The following CATSPERB variants were observed in gnomAD, a reference collection of about 807,000 sequenced individuals.
The protein encoded by CATSPERB is cation channel sperm-associated auxiliary subunit beta.
A neutral mutation model predicts 128.3 loss-of-function variants in CATSPERB; 93 were observed. That is an observed-to-expected ratio of 0.72 (90% CI 0.61 to 0.86). CATSPERB has a LOEUF of 0.86. Ranked by LOEUF, CATSPERB falls within the 40% of genes least tolerant of loss-of-function variation. CATSPERB has a pLI of 0.00. For missense variants in CATSPERB, 1,153 were observed against 1,329.5 expected (o/e 0.87, Z 2.06); for synonymous variants, 381 against 448.8 (o/e 0.85, Z 1.91).
intron 7 of CATSPERB, among the ~76,000 whole-genome samples, chr14:91,702,706 AAAC>A (rs1253581880): frequency 6.7e-6 from 1 of 149,950 alleles, no homozygotes; most frequent in African/African-American, 2.4e-5. Context: ...ACACACACAC[AAAC>A]CAAAAACATT....
chr14:91,647,394 GT>G (rs1306594798), intron 15 of CATSPERB, among the ~76,000 whole-genome samples: 2 of 152,294 alleles, frequency 1.3e-5, no homozygotes, highest in African/African-American at 4.8e-5. Context: ...CAAAGTCTAA[GT>G]TTGCAGGAAT....
At chr14:91,655,412 G>A (rs1894770347) in intron 15 of CATSPERB, among the ~76,000 whole-genome samples, 1 of 152,168 alleles carries the variant, frequency 6.6e-6, no homozygotes, top group Non-Finnish European at 1.5e-5. Context: ...AATAGCTGTT[G>A]TGAGAAAACT....
intron 22 of CATSPERB, chr14:91,605,418 T>C (rs965391948): frequency 1.2e-5 from 6 of 516,462 alleles, no homozygotes; most frequent in African/African-American, 7.6e-5. Flanking sequence ...TAGAGAAATA[T>C]GACCTCCAGA....
chr14:91,716,770 G>A (rs1219598033), intron 5 of CATSPERB, among the ~76,000 whole-genome samples: 2 of 148,908 alleles, frequency 1.3e-5, no homozygotes, highest in Non-Finnish European at 1.5e-5. Context: ...CATACACTAA[G>A]TTCTGGCCTG....
chr14:91,648,083 C>A (rs1894636363), intron 15 of CATSPERB, among the ~76,000 whole-genome samples: 1 of 152,158 alleles, frequency 6.6e-6, no homozygotes, highest in African/African-American at 2.4e-5. Context: ...CAATCCTTCA[C>A]AAACTCCCAC....
At chr14:91,700,421 T>C (rs75754473) in intron 7 of CATSPERB, among the ~76,000 whole-genome samples, 1 of 152,192 alleles carries the variant, frequency 6.6e-6, no homozygotes, top group Admixed American at 6.5e-5. Context: ...GCTGGCTTCA[T>C]AGAATGAGTT....
intron 15 of CATSPERB, 151 bp from the exon 16 acceptor site, chr14:91,639,401 T>C (rs1313003251): frequency 3.1e-6 from 2 of 647,804 alleles, no homozygotes; most frequent in Admixed American, 3.0e-5. Flanking sequence ...TGTTAGTTTT[T>C]GTTAAGTCCC....
At chr14:91,587,477 C>CTTTTTTTTTTTTTTTTTTTTTTTT (rs3029803) in intron 25 of CATSPERB, among the ~76,000 whole-genome samples, 4 of 101,540 alleles carry the variant, frequency 3.9e-5, no homozygotes, top group Non-Finnish European at 4.0e-5. Flanking sequence ...ATAGCTGATA[C>CTTTTTTTTTTTTTTTTTTTTTTTT]TTTTTTTTTT....
intron 22 of CATSPERB, among the ~76,000 whole-genome samples, chr14:91,606,383 CAAAACCCCGTCTCTACTA>C: frequency 6.6e-6 from 1 of 150,882 alleles, no homozygotes; most frequent in East Asian, 2.0e-4. Flanking sequence ...GTCAACATGG[CAAAACCCCGTCTCTACTA>C]AAAATGCAAA....
At chr14:91,625,095 A>T (rs1894134464) in intron 17 of CATSPERB, 88 bp from the exon 18 acceptor site, 1 of 736,942 alleles carries the variant, frequency 1.4e-6, no homozygotes, top group African/African-American at 1.8e-5. Context: ...CAAAGAAAGT[A>T]TACCACAAAT....
At chr14:91,631,005 T>C (rs1040124164) in intron 17 of CATSPERB, among the ~76,000 whole-genome samples, 1 of 152,248 alleles carries the variant, frequency 6.6e-6, no homozygotes, top group Non-Finnish European at 1.5e-5. Flanking sequence ...GCAACTTCTT[T>C]AGCCTGGAAA....
chr14:91,722,980 A>G, intron 4 of CATSPERB, 69 bp downstream of exon 4: 1 of 1,227,994 alleles, frequency 8.1e-7, no homozygotes, highest in Non-Finnish European at 1.1e-6. Context: ...TTTTTAAAAA[A>G]TACATCCTAT....
At chr14:91,727,895 C>T (rs904053977) in intron 2 of CATSPERB, among the ~76,000 whole-genome samples, 4 of 152,222 alleles carry the variant, frequency 2.6e-5, no homozygotes, top group Middle Eastern at 3.4e-3. Flanking sequence ...CAAGCTCAAA[C>T]GTCATATAAC....
chr14:91,728,095 A>C (rs575575748), intron 2 of CATSPERB, among the ~76,000 whole-genome samples: 3 of 152,232 alleles, frequency 2.0e-5, no homozygotes, highest in Non-Finnish European at 4.4e-5. Context: ...ATACATTTTA[A>C]GATCCAGTTC....
At chr14:91,721,423 T>C (rs1357250621) in intron 4 of CATSPERB, among the ~76,000 whole-genome samples, 1 of 152,174 alleles carries the variant, frequency 6.6e-6, no homozygotes, top group Non-Finnish European at 1.5e-5. Context: ...TGAATAGATA[T>C]TTCTCCAAAG....
intron 13 of CATSPERB, 86 bp from the exon 14 acceptor site, chr14:91,670,058 G>T: frequency 8.6e-7 from 1 of 1,167,006 alleles, no homozygotes; most frequent in Non-Finnish European, 1.3e-6. Flanking sequence ...TTGATTAAGA[G>T]AGAGATACAA....
Position 91,591,998 on chromosome 14 carries a change from G to C in CATSPERB, c.2714C>G (p.Thr905Ser). The change falls in exon 23 of 27, where the codon ACC (threonine) becomes AGC (serine). Residue 905 changes from threonine (T) to serine (S), a missense_variant. Coordinates refer to ENST00000256343, the MANE Select transcript of CATSPERB (RefSeq NM_024764.4). ...PRNMFHMSKKTGKFKQCANVS... is the reference protein window; with the variant it reads ...PRNMFHMSKKSGKFKQCANVS... Reference sequence around the variant, plus strand: ...ATTAGCACACTGTTTGAATTTACCGGTTTTCTGCAAATAGAAGTAACAGAT... The same window carrying C: ...ATTAGCACACTGTTTGAATTTACCGCTTTTCTGCAAATAGAAGTAACAGAT... The C allele has an allele frequency of 6.2e-7, 1 of 1,608,550 alleles. No individual in the cohort carries two copies. Among genetic ancestry groups the C allele is most frequent in the South Asian group, 1.1e-5 (1 of 90,846 alleles).
At chr14:91,721,310 A>G (rs1351238769) in intron 4 of CATSPERB, among the ~76,000 whole-genome samples, 1 of 152,208 alleles carries the variant, frequency 6.6e-6, no homozygotes, top group Non-Finnish European at 1.5e-5. Context: ...GAGAGAAAAT[A>G]TTTGCAAATC....
chr14:91,685,509 T>C (rs1258516371), intron 10 of CATSPERB, among the ~76,000 whole-genome samples: 1 of 152,196 alleles, frequency 6.6e-6, no homozygotes, highest in Non-Finnish European at 1.5e-5. Context: ...TGTGGTAATT[T>C]ATCGGGATAC....
Sources: gnomAD v4.1 joint callset for allele counts (sites outside exome capture counted in the v4.1 genomes callset) on GRCh38, gnomAD v4.1.1 for gene constraint, MANE v1.5 for transcripts, NCBI Gene and HGNC (gene_info 2026-07-23, HGNC 2026-07-21) for gene names.